Variants in TSPAN12 observed in about 807,000 individuals in gnomAD.
The protein encoded by TSPAN12 is tetraspanin-12.
A neutral mutation model predicts 39.2 loss-of-function variants in TSPAN12; 19 were observed. The observed-to-expected ratio is 0.49, with a 90% CI of 0.34 to 0.71. The LOEUF (loss-of-function observed/expected upper bound fraction) is 0.71. Ranked by LOEUF, TSPAN12 falls within the 30% of genes least tolerant of loss-of-function variation. The probability of loss-of-function intolerance (pLI) is 0.01; values close to 1 mark genes in which losing one functional copy is unlikely to be tolerated. For missense variants in TSPAN12, 314 were observed against 359.9 expected, an observed-to-expected ratio of 0.87 and a Z score of 1.03; for synonymous variants, 119 against 124.8, an observed-to-expected ratio of 0.95 and a Z score of 0.31.
chr7:120,803,770 C>T (rs1015426738), intron 7 of TSPAN12, among the ~76,000 whole-genome samples: 11 of 152,082 alleles, frequency 7.2e-5, no homozygotes, highest in South Asian at 2.1e-4. Flanking sequence ...TGCACATGCA[C>T]AATAGTATGG....
At chr7:120,849,420 A>G (rs1316790880) in intron 2 of TSPAN12, among the ~76,000 whole-genome samples, 2 of 152,210 alleles carry the variant, frequency 1.3e-5, no homozygotes, top group East Asian at 3.8e-4. Flanking sequence ...GTGTACCTAT[A>G]ATTTCCATAA....
intron 2 of TSPAN12, among the ~76,000 whole-genome samples, chr7:120,840,643 A>G (rs1324176516): frequency 6.6e-6 from 1 of 152,232 alleles, no homozygotes; most frequent in Non-Finnish European, 1.5e-5. Flanking sequence ...TATATGTGCT[A>G]AAGTATATAA....
At chr7:120,818,825 AT>A (rs1794133487) in intron 4 of TSPAN12, among the ~76,000 whole-genome samples, 4 of 152,082 alleles carry the variant, frequency 2.6e-5, no homozygotes, top group Admixed American at 6.6e-5. Flanking sequence ...AAGTATTGTT[AT>A]TTCTAGGCCT....
At chr7:120,803,730 C>T (rs928032635) in intron 7 of TSPAN12, among the ~76,000 whole-genome samples, 3 of 152,120 alleles carry the variant, frequency 2.0e-5, no homozygotes, top group African/African-American at 7.2e-5. Flanking sequence ...AAAATATGAA[C>T]AAATTTCAAA....
At chr7:120,829,702 T>C (rs1794355662) in intron 4 of TSPAN12, among the ~76,000 whole-genome samples, 1 of 152,170 alleles carries the variant, frequency 6.6e-6, no homozygotes, top group Non-Finnish European at 1.5e-5. Flanking sequence ...TTCAATAGCA[T>C]GTGCTGCCAG....
At chr7:120,842,033 G>A (rs78310970) in intron 2 of TSPAN12, among the ~76,000 whole-genome samples, 16 of 152,002 alleles carry the variant, frequency 1.1e-4, no homozygotes, top group African/African-American at 2.9e-4. Flanking sequence ...AGGGAAATTC[G>A]ACTTACCCTG....
chr7:120,788,786 T>C lies in TSPAN12; in HGVS notation c.724A>G (p.Ile242Val), dbSNP rs1584917331. 2 of 1,614,114 alleles carry C rather than the reference T, an allele frequency of 1.2e-6. No individual in the cohort carries two copies. The highest frequency in any genetic ancestry group is 4.5e-5 in the East Asian group (2 of 44,874). The change falls in exon 8 of 8, where the codon ATT (isoleucine) becomes GTT (valine). Residue 242 changes from isoleucine to valine, a missense_variant. Ile to Val is a conservative substitution (Grantham distance 29, BLOSUM62 3). Transcript: ENST00000222747. Reference protein sequence around the residue: ...VTQILAMILTITLLWALYYDR... With the variant: ...VTQILAMILTVTLLWALYYDR... The stretch of plus-strand genomic sequence containing the variant: ...TAATACAGAGCCCAGAGCAGAGTAA[T>C]GGTGAGAATCATGGCCAGGATTTGT...
rs774390271 is a variant in TSPAN12 at position 120,834,858 on chromosome 7, T to C, written c.285+3919A>G. ...AAAATACTGTAAGTTACTTTGCAAA[T>C]ATTTGCCCAAGACCTTACATCATGT... On this transcript the variant is annotated intron_variant, in intron 4 of 7. Transcript: ENST00000222747. Among the ~76,000 whole-genome samples, 35 of 152,294 alleles carry C rather than the reference T, an allele frequency of 2.3e-4. 1 individual carries two copies. The South Asian group carries it at 3.7e-3, about 16-fold the overall frequency.
intron 4 of TSPAN12, among the ~76,000 whole-genome samples, chr7:120,823,845 T>C (rs1794232747): frequency 6.6e-6 from 1 of 152,180 alleles, no homozygotes; most frequent in African/African-American, 2.4e-5. Flanking sequence ...AATTATGTGC[T>C]TGGAGCACAC....
intron 2 of TSPAN12, among the ~76,000 whole-genome samples, chr7:120,853,554 T>C (rs1038092195): frequency 1.3e-5 from 2 of 149,264 alleles, no homozygotes; most frequent in African/African-American, 4.9e-5. Flanking sequence ...AATATATTCG[T>C]ATTTATACAT....
chr7:120,815,248 A>G (rs960106043), intron 5 of TSPAN12, among the ~76,000 whole-genome samples: 9 of 152,224 alleles, frequency 5.9e-5, no homozygotes, highest in Non-Finnish European at 1.2e-4. Flanking sequence ...AACTGTTATC[A>G]TGTAGCATAA....
chr7:120,831,217 C>T (rs1231290929), intron 4 of TSPAN12, among the ~76,000 whole-genome samples: 2 of 151,866 alleles, frequency 1.3e-5, no homozygotes, highest in African/African-American at 4.8e-5. Flanking sequence ...TTAGTACAGC[C>T]ATTATGGAGA....
chr7:120,799,783 A>T lies in TSPAN12; in HGVS notation c.612+6766T>A, dbSNP rs538436426. Among the ~76,000 whole-genome samples the T allele has an allele frequency of 8.6e-3, 1,156 of 135,122 alleles. 22 individuals carry two copies. Among genetic ancestry groups the T allele is most frequent in the African/African-American group, 0.03 (1,093 of 36,224 alleles). 88.6% of individuals were successfully genotyped at this position (135,122 alleles called of 152,430 possible). A position where few individuals can be genotyped will look rare whatever the true frequency, so the allele number is the denominator to read the frequency against. On this transcript the variant is annotated intron_variant, in intron 7 of 7. Coordinates refer to ENST00000222747, the MANE Select transcript of TSPAN12 (RefSeq NM_012338.4). ...TATACATATAATTTAATTAAATTATATATAATAAATATATTAAATATTTAT... is the reference window on the plus strand; with the variant it reads ...TATACATATAATTTAATTAAATTATTTATAATAAATATATTAAATATTTAT...
intron 1 of TSPAN12, chr7:120,857,284 C>T: frequency 4.3e-6 from 1 of 234,928 alleles, no homozygotes; most frequent in Non-Finnish European, 8.5e-6. Context: ...GAGCGCCCTT[C>T]TAGTTAGGAC....
At chr7:120,800,226 C>T (rs556374663) in intron 7 of TSPAN12, among the ~76,000 whole-genome samples, 4 of 152,058 alleles carry the variant, frequency 2.6e-5, no homozygotes, top group South Asian at 2.1e-4. Context: ...CAACACTCAA[C>T]GGAGAGAATA....
chr7:120,811,276 G>A (rs1039221611), intron 5 of TSPAN12, among the ~76,000 whole-genome samples: 2 of 152,150 alleles, frequency 1.3e-5, no homozygotes, highest in East Asian at 3.9e-4. Context: ...GTCATTATAT[G>A]AAAAAGATAC....
At chr7:120,834,319 A>G (rs898910551) in intron 4 of TSPAN12, among the ~76,000 whole-genome samples, 1 of 152,174 alleles carries the variant, frequency 6.6e-6, no homozygotes, top group Non-Finnish European at 1.5e-5. Flanking sequence ...GGAACCTTAA[A>G]TTAGGGTGCT....
intron 5 of TSPAN12, among the ~76,000 whole-genome samples, chr7:120,812,462 G>A (rs933275354): frequency 6.6e-6 from 1 of 152,282 alleles, no homozygotes; most frequent in Middle Eastern, 3.4e-3. Context: ...AGGGAGACAT[G>A]AGCAAATAAG....
intron 1 of TSPAN12, 128 bp from the exon 2 acceptor site, chr7:120,856,961 C>A: frequency 1.6e-6 from 1 of 635,700 alleles, no homozygotes; most frequent in Non-Finnish European, 2.8e-6. Flanking sequence ...TTCGAGACAT[C>A]GCCTCATCAA....
Sources: gnomAD v4.1 joint callset for allele counts (sites outside exome capture counted in the v4.1 genomes callset) on GRCh38, gnomAD v4.1.1 for gene constraint, MANE v1.5 for transcripts, NCBI Gene and HGNC (gene_info 2026-07-23, HGNC 2026-07-21) for gene names.